Variants in SLX4 observed in about 807,000 individuals in gnomAD.
SLX4 encodes SLX4 structure-specific endonuclease subunit, also known as structure-specific endonuclease subunit SLX4.
In SLX4, 112 loss-of-function variants were observed where a neutral mutation model predicts 146.2. The observed-to-expected ratio is 0.77, with a 90% CI of 0.66 to 0.90. SLX4 has a LOEUF of 0.90. Ranked by LOEUF, SLX4 falls within the 40% of genes least tolerant of loss-of-function variation. SLX4 has a pLI of 0.00. For synonymous variants in SLX4, 1,061 were observed against 997.7 expected (o/e 1.06, Z -1.20); for missense variants, 2,563 against 2,392.7 (o/e 1.07, Z -1.49).
At chr16:3,611,396 T>C (rs2040870598) in intron 1 of SLX4, among the ~76,000 whole-genome samples, 164 bp downstream of exon 1, 1 of 152,076 alleles carries the variant, frequency 6.6e-6, no homozygotes, top group Admixed American at 6.5e-5. Context: ...CGAGTGCGGC[T>C]CCTGCCTCTC....
rs532023958 is a variant in SLX4, at chr16:3,597,878, G to C, written c.1285C>G (p.Arg429Gly). Residue 429 changes from arginine (R) to glycine (G), a missense_variant, in exon 6 of 15, where the codon CGG becomes GGG. Transcript: ENST00000294008. The surrounding 1 kb of genome is among the most constrained non-coding windows in gnomAD (Gnocchi z 4.4). Reference protein sequence around the residue: ...EDLLVAMALSRSEMEPGAAVP... With the variant: ...EDLLVAMALSGSEMEPGAAVP... ...GCCGCACCCGGCTCCATCTCCGACC[G>C]GGACAGAGCCATGGCCACCAGCAGG... 1 of 1,614,076 alleles carries C rather than the reference G, an allele frequency of 6.2e-7. No homozygotes were observed.
At position 3,584,773 on chromosome 16, in the gene SLX4, C is replaced by G; in HGVS notation, c.4735G>C (p.Asp1579His). ...CAAGCTTTGAAGACCGCCAACCTATCCAGTTCCTTCTTCAGCACCGGCGTC... is the reference window on the plus strand; with the variant it reads ...CAAGCTTTGAAGACCGCCAACCTATGCAGTTCCTTCTTCAGCACCGGCGTC... ...METPVLKKELDRFGVRPLPKR... is the reference protein window; with the variant it reads ...METPVLKKELHRFGVRPLPKR... Residue 1579 changes from aspartate (D) to histidine (H), a missense_variant, in exon 13 of 15, where the codon GAT becomes CAT. Asp to His is a moderately conservative substitution (Grantham distance 81, BLOSUM62 -1). Transcript: ENST00000294008. The G allele has an allele frequency of 6.2e-7, 1 of 1,612,620 alleles. No individual in the cohort carries two copies. The highest frequency in any genetic ancestry group is 8.5e-7 in the Non-Finnish European group (1 of 1,178,632).
intron 2 of SLX4, 69 bp downstream of exon 2, chr16:3,608,361 C>G (rs2040809089): frequency 6.3e-7 from 1 of 1,581,330 alleles, no homozygotes; most frequent in South Asian, 1.1e-5. Flanking sequence ...GCCTACAAAG[C>G]CAAAATATTT....
intron 10 of SLX4, among the ~76,000 whole-genome samples, chr16:3,593,972 T>C (rs570632538): frequency 8.6e-4 from 131 of 152,152 alleles, no homozygotes; most frequent in African/African-American, 2.5e-3. Flanking sequence ...CCCAGGTTCA[T>C]GCCATTCTCC....
intron 9 of SLX4, 21 bp downstream of exon 9, chr16:3,595,584 C>T (rs139099529): frequency 6.4e-5 from 104 of 1,612,914 alleles, no homozygotes; most frequent in African/African-American, 9.3e-5. Context: ...CCAGAGAGCG[C>T]GGGCCAGAGC....
At chr16:3,606,444 G>A (rs756852479) in intron 3 of SLX4, 30 bp downstream of exon 3, 5 of 1,608,802 alleles carry the variant, frequency 3.1e-6, no homozygotes, top group Non-Finnish European at 4.3e-6. Context: ...ACTTATCTCT[G>A]TGTGGAAGAC....
chr16:3,596,049 C>T (rs2040649292), intron 8 of SLX4, 104 bp downstream of exon 8: 1 of 1,452,490 alleles, frequency 6.9e-7, no homozygotes, highest in Non-Finnish European at 9.1e-7. Context: ...CAGGTCAGAG[C>T]TGCCGTCGCG....
chr16:3,585,865 G>C (rs2040503019), intron 12 of SLX4, among the ~76,000 whole-genome samples: 1 of 151,744 alleles, frequency 6.6e-6, no homozygotes, highest in Non-Finnish European at 1.5e-5. Context: ...CACCAATGTG[G>C]GCAGCTGTTT....
intron 12 of SLX4, among the ~76,000 whole-genome samples, chr16:3,588,631 A>T (rs1037126509): frequency 2.0e-5 from 3 of 152,210 alleles, no homozygotes; most frequent in Non-Finnish European, 2.9e-5. Context: ...TACGGTTAAC[A>T]TTCTGGAGAA....
chr16:3,608,156 A>T (rs1436094305), intron 2 of SLX4, among the ~76,000 whole-genome samples: 1 of 152,240 alleles, frequency 6.6e-6, no homozygotes, highest in Non-Finnish European at 1.5e-5. Context: ...CTCCAGCTCT[A>T]AATTTTTTTT....
chr16:3,592,187 G>A (rs1362213419), intron 11 of SLX4, among the ~76,000 whole-genome samples: 2 of 152,208 alleles, frequency 1.3e-5, no homozygotes, highest in Admixed American at 6.5e-5. Flanking sequence ...ACGCAGGCTC[G>A]GATCAGCGGC....
Position 3,601,062 on chromosome 16 carries a change from C to G in SLX4, c.1080G>C (p.Met360Ile). 1 of 1,613,996 alleles carries G rather than the reference C, an allele frequency of 6.2e-7. No individual in the cohort carries two copies. The highest frequency in any genetic ancestry group is 8.5e-7 in the Non-Finnish European group (1 of 1,180,000). ...TSHLKQCAVK[M>I]EVGPQLLLQA... ...GAAGCAGGAGCTGGGGGCCAACCTC[C>G]ATCTTCACAGCACACTGCTTCAAGT... is the stretch of plus-strand genomic sequence containing the variant. Residue 360 changes from methionine (M) to isoleucine (I), a missense_variant, in exon 5 of 15, where the codon ATG becomes ATC. Met to Ile is a conservative substitution (Grantham distance 10). Transcript: ENST00000294008.
In SLX4 at chr16:3,581,873, T is replaced by C. The variant is rs868278470; in HGVS notation, c.*469A>G. ...GCCTGAGCAACATGGTGAAACCCCGTTTCTACTAAAATATAAAAAATCAGC... is the reference window on the plus strand; with the variant it reads ...GCCTGAGCAACATGGTGAAACCCCGCTTCTACTAAAATATAAAAAATCAGC... On this transcript the variant is annotated 3_prime_UTR_variant, in exon 15 of 15. Transcript: ENST00000294008. 5.2e-6 allele frequency: 1 copy of C among 192,566 alleles called. No individual in the cohort carries two copies. 11.9% of individuals were successfully genotyped at this position (192,566 alleles called of 1,614,324 possible).
chr16:3,582,766 G>C, intron 14 of SLX4, 73 bp from the exon 15 acceptor site: 1 of 1,384,354 alleles, frequency 7.2e-7, no homozygotes, highest in Non-Finnish European at 1.0e-6. Flanking sequence ...CCTCTTTAAA[G>C]GAAGGAAGGT....
At position 3,597,905 on chromosome 16, in the gene SLX4, C is replaced by T. The variant is rs2151131960; in HGVS notation, c.1258G>A (p.Asp420Asn). Reference protein sequence around the residue: ...RRKVDEAPSEDLLVAMALSRS... With the variant: ...RRKVDEAPSENLLVAMALSRS... ...GACAGAGCCATGGCCACCAGCAGGT[C>T]CTCGGACGGTGCCTCGTCCACCTTC... The change falls in exon 6 of 15, where the codon GAC becomes AAC. Residue 420 changes from aspartate to asparagine, a missense_variant. Asp to Asn is a conservative substitution (Grantham distance 23). Transcript: ENST00000294008. This position sits in a 1 kb window ranked among gnomAD's most constrained non-coding sequence, Gnocchi z 4.4. 6 of 1,614,126 alleles carry T rather than the reference C, an allele frequency of 3.7e-6. No homozygotes were observed. The highest frequency in any genetic ancestry group is 5.1e-6 in the Non-Finnish European group (6 of 1,180,036).
chr16:3,582,406 C>T lies in SLX4; in HGVS notation c.5441G>A (p.Arg1814His), dbSNP rs201036767. 37 of 1,613,854 alleles carry T rather than the reference C, an allele frequency of 2.3e-5. No homozygotes were observed. Among genetic ancestry groups the T allele is most frequent in the Admixed American group, 1.2e-4 (7 of 60,026 alleles). Residue 1814 changes from arginine (R) to histidine (H), a missense_variant, in exon 15 of 15, where the codon CGC (arginine) becomes CAC (histidine). Physicochemically the swap from Arg to His is conservative, Grantham distance 29. Transcript: ENST00000294008. ...CCTCCTGCCCTGGAGCTTCTCCCTG[C>T]GGGTGGCGGCAGTGGTGAAGGTGAT... ...HCITFTTAAT[R>H]REKLQGRRRQ...
In SLX4 at chr16:3,590,752, G is replaced by A. The variant is rs202053414; in HGVS notation, c.2886C>T (p.Ser962=). The change falls in exon 12 of 15, where the codon TCC becomes TCT. Residue 962 remains serine (S), a synonymous_variant. Coordinates refer to ENST00000294008, the MANE Select transcript of SLX4 (RefSeq NM_032444.4). This position sits in a 1 kb window ranked among gnomAD's most constrained non-coding sequence, Gnocchi z 4.8. ...CTTTTCTCTCTGCCTGGCAGTCCCT[G>A]GAAGGGCTGGAGCAGCTGGAATGGC... is the stretch of plus-strand genomic sequence containing the variant. The part of the protein sequence containing the change: ...ALGHSSCSSP[S]RDCQAERKEG... 6.8e-6 allele frequency: 11 copies of A among 1,613,964 alleles called. No individual in the cohort carries two copies. Among genetic ancestry groups the A allele is most frequent in the African/African-American group, 5.3e-5 (4 of 74,932 alleles).
At chr16:3,584,211 A>G (rs1363149972) in intron 13 of SLX4, among the ~76,000 whole-genome samples, 1 of 152,136 alleles carries the variant, frequency 6.6e-6, no homozygotes, top group Non-Finnish European at 1.5e-5. Context: ...TCACGTGGTC[A>G]GGAGTTCGAG....
At chr16:3,587,709 A>G (rs1209554805) in intron 12 of SLX4, among the ~76,000 whole-genome samples, 1 of 152,206 alleles carries the variant, frequency 6.6e-6, no homozygotes, top group Non-Finnish European at 1.5e-5. Context: ...TCCCGAAGCA[A>G]GGCTCTGGGG....
Sources: allele counts gnomAD v4.1 joint callset (sites outside exome capture counted in the v4.1 genomes callset), GRCh38; gene constraint gnomAD v4.1.1; non-coding constraint Gnocchi (gnomAD v3.1); transcripts MANE v1.5; gene names NCBI Gene and HGNC (gene_info 2026-07-23, HGNC 2026-07-21).